The following CSMD1 variants were observed in gnomAD, a reference collection of about 807,000 sequenced individuals.
CSMD1 encodes the protein CUB and sushi domain-containing protein 1.
Under a neutral mutation model 417.5 loss-of-function variants are expected in CSMD1, and 213 were observed. The ratio of observed to expected loss-of-function variants is 0.51; its 90% CI spans 0.46 to 0.57. The LOEUF (loss-of-function observed/expected upper bound fraction) is 0.57. Among genes scored for constraint, CSMD1 ranks in the 20% least tolerant of loss-of-function variants. The probability of loss-of-function intolerance (pLI) is 0.00; values close to 1 mark genes in which losing one functional copy is unlikely to be tolerated. For missense variants in CSMD1, 6,923 were observed against 4,529.7 expected (o/e 1.53, Z -15.17); for synonymous variants, 2,862 against 1,736.8 (o/e 1.65, Z -16.11).
intron 7 of CSMD1, among the ~76,000 whole-genome samples, chr8:3,676,238 C>A (rs1006494268): frequency 2.6e-5 from 4 of 152,144 alleles, no homozygotes; most frequent in Admixed American, 6.5e-5. Flanking sequence ...ACCTTGGGGT[C>A]AGACATGTAC....
At chr8:4,760,039 G>C (rs961568055) in intron 1 of CSMD1, among the ~76,000 whole-genome samples, 1 of 152,152 alleles carries the variant, frequency 6.6e-6, no homozygotes, top group Admixed American at 6.6e-5. Context: ...CAGTGTAAAA[G>C]TCTTCCTATT....
At position 4,385,309 on chromosome 8, in the gene CSMD1, T is replaced by C. The variant is rs906518992; in HGVS notation, c.415+34644A>G. Among the ~76,000 whole-genome samples the C allele has an allele frequency of 7.9e-5, 12 of 152,212 alleles. No individual in the cohort carries two copies. The East Asian group carries it at 1.2e-3, about 15-fold the overall frequency. On this transcript the variant is annotated intron_variant, in intron 3 of 69. Transcript: ENST00000635120. ...ACTATCTGTTCATGTTAAACAATGA[T>C]GTAGTCTGACAGGCAGTCACCTAAA...
intron 37 of CSMD1, among the ~76,000 whole-genome samples, chr8:3,178,619 T>A (rs932003840): frequency 2.0e-5 from 3 of 152,208 alleles, no homozygotes; most frequent in Non-Finnish European, 2.9e-5. Flanking sequence ...TATGCTCTGT[T>A]TCTTCAGTTG....
intron 1 of CSMD1, among the ~76,000 whole-genome samples, chr8:4,807,914 C>T (rs1372976053): frequency 6.6e-6 from 1 of 152,148 alleles, no homozygotes; most frequent in Non-Finnish European, 1.5e-5. Context: ...TACAAGCTCT[C>T]TTTCTACTGC....
chr8:4,016,656 G>C (rs1038093615), intron 4 of CSMD1, among the ~76,000 whole-genome samples: 1 of 152,184 alleles, frequency 6.6e-6, no homozygotes, highest in Admixed American at 6.5e-5. Flanking sequence ...CTACAGGTTT[G>C]TCTTACTCTG....
intron 3 of CSMD1, among the ~76,000 whole-genome samples, chr8:4,052,077 A>T (rs1334174861): frequency 6.6e-6 from 1 of 152,048 alleles, no homozygotes; most frequent in Non-Finnish European, 1.5e-5. Flanking sequence ...CCGGGACTAA[A>T]TACCCAGCTA....
At chr8:3,190,973 G>A (rs1005288104) in intron 33 of CSMD1, among the ~76,000 whole-genome samples, 1 of 152,190 alleles carries the variant, frequency 6.6e-6, no homozygotes, top group Non-Finnish European at 1.5e-5. Context: ...TGGGGAACAG[G>A]AAAATGGGAA....
Position 2,949,395 on chromosome 8 carries a change from T to TAAGAAAGAAA in CSMD1, c.10315-10_10315-9insTTTCTTTCTT, listed in dbSNP as rs760689584. ...TCAAGTCCAGATGACACCTGACACA[T>TAAGAAAGAAA]AGGAAAGAAAAGAAAAGAAATAAAA... is the stretch of plus-strand genomic sequence containing the variant. On this transcript the variant is annotated splice_polypyrimidine_tract_variant and intron_variant, in intron 67 of 69. Coordinates refer to ENST00000635120, the MANE Select transcript of CSMD1 (RefSeq NM_033225.6). 43 of 729,262 alleles carry TAAGAAAGAAA rather than the reference T, an allele frequency of 5.9e-5. 3 individuals carry two copies. In the South Asian group the frequency reaches 8.2e-4, roughly 14 times the overall value. The allele number at this position is 729,262 out of a possible 1,614,324, so 45.2% of individuals were successfully genotyped here. A position where few individuals can be genotyped will look rare whatever the true frequency, so the allele number is the denominator to read the frequency against.
At chr8:3,872,478 C>T (rs1392424190) in intron 5 of CSMD1, among the ~76,000 whole-genome samples, 1 of 152,134 alleles carries the variant, frequency 6.6e-6, no homozygotes, top group Non-Finnish European at 1.5e-5. Flanking sequence ...TGGGACAAGG[C>T]AGGTAAAATG....
intron 7 of CSMD1, among the ~76,000 whole-genome samples, chr8:3,676,771 A>G (rs753252527): frequency 2.0e-5 from 3 of 152,152 alleles, no homozygotes; most frequent in East Asian, 3.8e-4. Context: ...AACCAACCCA[A>G]ATGCCCATCA....
At chr8:4,502,989 T>A (rs1393744465) in intron 2 of CSMD1, among the ~76,000 whole-genome samples, 1 of 152,172 alleles carries the variant, frequency 6.6e-6, no homozygotes, top group Admixed American at 6.6e-5. Flanking sequence ...AATCAATATT[T>A]TCTGGCACAG....
chr8:4,017,301 T>C (rs1220012324), intron 4 of CSMD1, among the ~76,000 whole-genome samples: 3 of 152,158 alleles, frequency 2.0e-5, no homozygotes, highest in Non-Finnish European at 2.9e-5. Context: ...TGCCACATAA[T>C]TTCTTTCTTT....
At chr8:3,044,007 A>T (rs957028794) in intron 50 of CSMD1, among the ~76,000 whole-genome samples, 6 of 152,054 alleles carry the variant, frequency 3.9e-5, no homozygotes, top group Non-Finnish European at 8.8e-5. Flanking sequence ...ACTTCAGGGG[A>T]AAAAAAAGCA....
intron 2 of CSMD1, among the ~76,000 whole-genome samples, chr8:4,513,495 C>A (rs1201811976): frequency 1.3e-5 from 2 of 152,120 alleles, no homozygotes; most frequent in Non-Finnish European, 2.9e-5. Flanking sequence ...AAATGTCGGA[C>A]TGTAACATTT....
intron 12 of CSMD1, among the ~76,000 whole-genome samples, chr8:3,422,946 T>G (rs908780896): frequency 1.3e-5 from 2 of 152,146 alleles, no homozygotes; most frequent in Non-Finnish European, 2.9e-5. Context: ...TAGATTCTCT[T>G]TGTTAAGCTC....
rs1333846506 is a variant in CSMD1 at position 3,650,278 on chromosome 8, A to C, written c.1010-33481T>G. Reference sequence around the variant, plus strand: ...GGGTGACAGAGCAAGACTCTTTCTCAGAAAAAAAAAAGAAAAGTAAAGAAA... The same window carrying C: ...GGGTGACAGAGCAAGACTCTTTCTCCGAAAAAAAAAAGAAAAGTAAAGAAA... On this transcript the variant is annotated intron_variant, in intron 7 of 69. Transcript: ENST00000635120. 2.0e-5 allele frequency among the ~76,000 whole-genome samples: 3 copies of C among 150,110 alleles called. No homozygotes were observed. The East Asian group carries it at 5.8e-4, about 29-fold the overall frequency.
At chr8:3,246,254 A>T (rs992378564) in intron 26 of CSMD1, among the ~76,000 whole-genome samples, 1 of 151,952 alleles carries the variant, frequency 6.6e-6, no homozygotes, top group Non-Finnish European at 1.5e-5. Flanking sequence ...CCAGCCCCTC[A>T]TTCTTCCTTG....
At chr8:3,397,970 T>A (rs957409366) in intron 16 of CSMD1, among the ~76,000 whole-genome samples, 2 of 152,178 alleles carry the variant, frequency 1.3e-5, no homozygotes, top group African/African-American at 4.8e-5. Context: ...GTGTACTATG[T>A]CTAGAGTACA....
At chr8:4,748,484 G>A (rs927370597) in intron 1 of CSMD1, among the ~76,000 whole-genome samples, 1 of 152,192 alleles carries the variant, frequency 6.6e-6, no homozygotes, top group Admixed American at 6.5e-5. Context: ...GTGGCTGGCT[G>A]TGCGTCAGTT....
Sources: gnomAD v4.1 joint callset for allele counts (sites outside exome capture counted in the v4.1 genomes callset) on GRCh38, gnomAD v4.1.1 for gene constraint, MANE v1.5 for transcripts, NCBI Gene and HGNC (gene_info 2026-07-23, HGNC 2026-07-21) for gene names.